The following DYNC2H1 variants were observed in gnomAD, a reference collection of about 807,000 sequenced individuals.
The protein encoded by DYNC2H1 is cytoplasmic dynein 2 heavy chain 1.
Under a neutral mutation model 570.0 loss-of-function variants are expected in DYNC2H1, and 410 were observed. That is an observed-to-expected ratio of 0.72 (90% CI 0.66 to 0.78). The LOEUF is 0.78. DYNC2H1 is among the 30% of genes least tolerant of loss of function. The probability of loss-of-function intolerance (pLI) is 0.00; values close to 1 mark genes in which losing one functional copy is unlikely to be tolerated. For synonymous variants in DYNC2H1, 1,688 were observed against 1,677.6 expected (o/e 1.01, Z -0.15); for missense variants, 4,865 against 5,046.4 (o/e 0.96, Z 1.09).
rs951265005 is a variant in DYNC2H1 at position 103,305,963 on chromosome 11, G to A, written c.11382+1243G>A. On this transcript the variant is annotated intron_variant, in intron 77 of 88. Transcript: ENST00000375735. The surrounding 1 kb of genome is among the most constrained non-coding windows in gnomAD (Gnocchi z 4.3). The stretch of plus-strand genomic sequence containing the variant: ...ATCTTGCTCTGTTACCCAGGCTGGA[G>A]TGCAGTGGCACAAGTTTGGCTCACT... Among the ~76,000 whole-genome samples, 2 of 152,140 alleles carry A rather than the reference G, an allele frequency of 1.3e-5. No homozygotes were observed. The highest frequency in any genetic ancestry group is 2.9e-5 in the Non-Finnish European group (2 of 68,030).
intron 82 of DYNC2H1, among the ~76,000 whole-genome samples, chr11:103,338,830 A>T (rs7107587): frequency 0.036 from 5,463 of 152,110 alleles, 327 homozygotes; most frequent in African/African-American, 0.13. Context: ...TGCCCTATTT[A>T]GTCTGTTTGG....
At position 103,456,267 on chromosome 11, in the gene DYNC2H1, C is replaced by T. The variant is rs770906437; in HGVS notation, c.12567-8C>T. ...TTGATTTGTGACTTTGATGCTTTAC[C>T]TTTACAGGGCAGTGGGTCGTTCTGT... On this transcript the variant is annotated splice_region_variant and splice_polypyrimidine_tract_variant and intron_variant, in intron 86 of 88. Transcript: ENST00000375735. 3 of 1,597,710 alleles carry T rather than the reference C, an allele frequency of 1.9e-6. No individual in the cohort carries two copies. The highest frequency in any genetic ancestry group is 2.6e-6 in the Non-Finnish European group (3 of 1,170,284).
At chr11:103,350,642 T>G (rs972741310) in intron 82 of DYNC2H1, among the ~76,000 whole-genome samples, 3 of 152,184 alleles carry the variant, frequency 2.0e-5, no homozygotes, top group African/African-American at 4.8e-5. Flanking sequence ...CTCACAGTTT[T>G]GGGGGCTAGA....
intron 19 of DYNC2H1, 33 bp from the exon 20 acceptor site, chr11:103,148,457 T>C: frequency 6.5e-7 from 1 of 1,539,910 alleles, no homozygotes; most frequent in Non-Finnish European, 8.8e-7. Flanking sequence ...TGGTAATAAT[T>C]AACATTTCTT....
intron 59 of DYNC2H1, among the ~76,000 whole-genome samples, chr11:103,225,955 A>AT (rs35928432): frequency 0.61 from 90,335 of 147,594 alleles, 27,381 homozygotes; most frequent in Admixed American, 0.7. Flanking sequence ...ATTCCTAAGT[A>AT]TTTTTTTTTT....
Position 103,158,813 on chromosome 11 carries a change from T to G in DYNC2H1, c.4260+4T>G. On this transcript the variant is annotated splice_donor_region_variant and intron_variant, in intron 27 of 88. Transcript: ENST00000375735. Reference sequence around the variant, plus strand: ...ATCATTAAATGAATTTTTGGAGGCATGTTTTTTAAGAAAAAAATATATAAT... The same window carrying G: ...ATCATTAAATGAATTTTTGGAGGCAGGTTTTTTAAGAAAAAAATATATAAT... 1.4e-6 allele frequency: 2 copies of G among 1,464,682 alleles called. No individual in the cohort carries two copies. Among genetic ancestry groups the G allele is most frequent in the Non-Finnish European group, 1.8e-6 (2 of 1,094,234 alleles). 90.7% of individuals were successfully genotyped at this position (1,464,682 alleles called of 1,614,324 possible).
chr11:103,306,883 G>C (rs1461438160), intron 77 of DYNC2H1, among the ~76,000 whole-genome samples: 1 of 152,090 alleles, frequency 6.6e-6, no homozygotes, highest in Non-Finnish European at 1.5e-5. Flanking sequence ...ATTTGTACCT[G>C]CTCTCTGGGA....
intron 83 of DYNC2H1, among the ~76,000 whole-genome samples, chr11:103,376,051 G>A (rs186386665): frequency 6.6e-6 from 1 of 152,282 alleles, no homozygotes; most frequent in Non-Finnish European, 1.5e-5. Flanking sequence ...TTTTCCCCAT[G>A]CTGTTCTGAT....
intron 84 of DYNC2H1, chr11:103,406,193 G>A (rs1942858826): frequency 6.6e-6 from 1 of 151,942 alleles, no homozygotes; most frequent in Non-Finnish European, 1.5e-5. Flanking sequence ...AAGGCTCTTG[G>A]TCTTATTTAA....
At chr11:103,237,591 T>C (rs1251824317) in intron 63 of DYNC2H1, among the ~76,000 whole-genome samples, 1 of 152,066 alleles carries the variant, frequency 6.6e-6, no homozygotes, top group Admixed American at 6.6e-5. Context: ...GAATCACAAA[T>C]ATGAAACTCT....
intron 31 of DYNC2H1, among the ~76,000 whole-genome samples, chr11:103,167,263 GTA>G (rs1181235917): frequency 6.6e-6 from 1 of 150,526 alleles, no homozygotes; most frequent in African/African-American, 2.5e-5. Flanking sequence ...GGGCTTTAAA[GTA>G]TTTTTTTTTT....
At position 103,319,687 on chromosome 11, in the gene DYNC2H1, A is replaced by G. The variant is rs12788737; in HGVS notation, c.11726-1342A>G. ...GTAGAAAAAAATAAGATTTTCTTAT[A>G]AAAATTCGATAAAATATTTCACATA... On this transcript the variant is annotated intron_variant, in intron 80 of 88. Coordinates refer to ENST00000375735, the MANE Select transcript of DYNC2H1 (RefSeq NM_001377.3). This position sits in a 1 kb window ranked among gnomAD's most constrained non-coding sequence, Gnocchi z 4.3. Among the ~76,000 whole-genome samples the G allele has an allele frequency of 4.2e-3, 647 of 152,318 alleles. No homozygotes were observed. Among genetic ancestry groups the G allele is most frequent in the Non-Finnish European group, 7.1e-3 (484 of 68,006 alleles).
chr11:103,201,873 A>G lies in DYNC2H1; in HGVS notation c.8197+1719A>G, dbSNP rs1410690694. Among the ~76,000 whole-genome samples the G allele has an allele frequency of 1.3e-5, 2 of 152,156 alleles. No homozygotes were observed. Among genetic ancestry groups the G allele is most frequent in the Non-Finnish European group, 2.9e-5 (2 of 68,026 alleles). ...TTGGATCAAGAGTGTTTTGTTATTT[A>G]AGTACAAAATAAACCTTAAAAACTA... is the stretch of plus-strand genomic sequence containing the variant. On this transcript the variant is annotated intron_variant, in intron 50 of 88. Transcript: ENST00000375735. The surrounding 1 kb of genome is among the most constrained non-coding windows in gnomAD (Gnocchi z 4.8).
chr11:103,223,581 A>C (rs61896688), intron 59 of DYNC2H1, among the ~76,000 whole-genome samples: 1 of 142,212 alleles, frequency 7.0e-6, no homozygotes. Flanking sequence ...AGAGACTAAA[A>C]TAACATGTTG....
chr11:103,197,134 T>G (rs1277672615), intron 47 of DYNC2H1, among the ~76,000 whole-genome samples: 1 of 151,394 alleles, frequency 6.6e-6, no homozygotes, highest in Non-Finnish European at 1.5e-5. Context: ...TTTGGTCAGT[T>G]TTTTTTTTAA....
In DYNC2H1 at chr11:103,321,168, A is replaced by C; in HGVS notation, c.11865A>C (p.Val3955=). 6.2e-7 allele frequency: 1 copy of C among 1,612,148 alleles called. No individual in the cohort carries two copies. The highest frequency in any genetic ancestry group is 8.5e-7 in the Non-Finnish European group (1 of 1,178,952). The change falls in exon 81 of 89, where the codon GTA becomes GTC. Residue 3955 remains valine, a synonymous_variant. Transcript: ENST00000375735. ...TTTTTAATTCTTCAGTTATTGATGT[A>C]TTCAACCAAAGGAACAAGAAAAGCA... ...KQFFNSSVID[V]FNQRNKKSIF... is the part of the protein sequence containing the mutation.
chr11:103,160,203 A>G (rs1345669839), intron 28 of DYNC2H1, among the ~76,000 whole-genome samples: 1 of 152,134 alleles, frequency 6.6e-6, no homozygotes, highest in Non-Finnish European at 1.5e-5. Flanking sequence ...GCAAATAATA[A>G]TATAGTTTTT....
At chr11:103,441,139 C>T (rs999685992) in intron 85 of DYNC2H1, among the ~76,000 whole-genome samples, 1 of 152,034 alleles carries the variant, frequency 6.6e-6, no homozygotes, top group African/African-American at 2.4e-5. Context: ...AGTTTTCTAC[C>T]TCATTTACTC....
rs773589698 is a variant in DYNC2H1, at chr11:103,468,681, T to C, written c.12741T>C (p.Pro4247=). The change falls in exon 88 of 89, where the codon CCT becomes CCC. Residue 4247 remains proline (P), a synonymous_variant. Transcript: ENST00000375735. ...CTCCCAGCGTGTCATCAGTGCTCCCTTGTTTTATGGGCTGGATTCCACAGG... is the reference window on the plus strand; with the variant it reads ...CTCCCAGCGTGTCATCAGTGCTCCCCTGTTTTATGGGCTGGATTCCACAGG... ...LDSPSVSSVL[P]CFMGWIPQDA... 3 of 1,613,254 alleles carry C rather than the reference T, an allele frequency of 1.9e-6. No individual in the cohort carries two copies. The highest frequency in any genetic ancestry group is 1.7e-5 in the Admixed American group (1 of 59,976).
Sources: allele counts gnomAD v4.1 joint callset (sites outside exome capture counted in the v4.1 genomes callset), GRCh38; gene constraint gnomAD v4.1.1; non-coding constraint Gnocchi (gnomAD v3.1); transcripts MANE v1.5; gene names NCBI Gene and HGNC (gene_info 2026-07-23, HGNC 2026-07-21).